SETDB1: variants seen among roughly 807,000 people sequenced by gnomAD.
The protein encoded by SETDB1 is histone-lysine N-methyltransferase SETDB1.
Under a neutral mutation model 137.4 loss-of-function variants are expected in SETDB1, and 31 were observed. That is an observed-to-expected ratio of 0.23 (90% CI 0.17 to 0.30). The LOEUF is 0.30. SETDB1 is among the 10% of genes least tolerant of loss of function. SETDB1 has a pLI of 1.00. For missense variants in SETDB1, 1,113 were observed against 1,631.5 expected (o/e 0.68, Z 5.47); for synonymous variants, 548 against 579.9 (o/e 0.95, Z 0.79).
chr1:150,951,536 GT>G, intron 14 of SETDB1, 55 bp downstream of exon 14: 1 of 931,074 alleles, frequency 1.1e-6, no homozygotes, highest in Non-Finnish European at 1.7e-6. Context: ...GCATGTTCTT[GT>G]TTTTCTGTGC....
chr1:150,964,219 C>T (rs778767117), intron 21 of SETDB1, 28 bp from the exon 22 acceptor site: 13 of 1,597,652 alleles, frequency 8.1e-6, no homozygotes, highest in South Asian at 1.1e-5. Context: ...CTGTCTTTGC[C>T]ACACACCATC....
At chr1:150,962,213 G>A (rs1670844813) in intron 17 of SETDB1, 55 bp downstream of exon 17, 7 of 1,520,692 alleles carry the variant, frequency 4.6e-6, no homozygotes, top group Non-Finnish European at 5.5e-6. Context: ...TTGTCACCCA[G>A]GCTGGAGTGC....
intron 3 of SETDB1, among the ~76,000 whole-genome samples, chr1:150,931,982 AGTT>A (rs587615116): frequency 8.5e-4 from 130 of 152,128 alleles, no homozygotes; most frequent in African/African-American, 2.6e-3. Context: ...GTATTACAGT[AGTT>A]GTTTTTTTAG....
At chr1:150,952,006 G>GGGT (rs1001478519) in intron 14 of SETDB1, among the ~76,000 whole-genome samples, 11 of 152,054 alleles carry the variant, frequency 7.2e-5, no homozygotes, top group African/African-American at 2.7e-4. Flanking sequence ...AAATTAGCCG[G>GGGT]GGGTGGTGGC....
intron 14 of SETDB1, among the ~76,000 whole-genome samples, chr1:150,957,053 G>C (rs1266684231): frequency 6.6e-6 from 1 of 151,870 alleles, no homozygotes; most frequent in African/African-American, 2.4e-5. Context: ...GGAGGTCAAG[G>C]CTGCAGTGAG....
chr1:150,952,581 G>A (rs953699518), intron 14 of SETDB1, among the ~76,000 whole-genome samples: 5 of 152,106 alleles, frequency 3.3e-5, no homozygotes, highest in Admixed American at 3.3e-4. Context: ...TTTTGGCCAT[G>A]TTAAGTTTGA....
chr1:150,949,370 C>G lies in SETDB1; in HGVS notation c.1428C>G (p.Ser476Arg). The change falls in exon 12 of 22, where the codon AGC becomes AGG. Residue 476 changes from serine to arginine, a missense_variant. Physicochemically the swap from Ser to Arg is moderately radical, Grantham distance 110. Transcript: ENST00000692827. ...PLSPQAGDSESLESQLAQSRK... is the reference protein window; with the variant it reads ...PLSPQAGDSERLESQLAQSRK... Reference sequence around the variant, plus strand: ...GCCCTCTTCTCTAATCTCCTAGAAGCTTGGAAAGCCAGCTTGCCCAGTCAC... The same window carrying G: ...GCCCTCTTCTCTAATCTCCTAGAAGGTTGGAAAGCCAGCTTGCCCAGTCAC... 6.2e-7 allele frequency: 1 copy of G among 1,614,152 alleles called. No homozygotes were observed. Among genetic ancestry groups the G allele is most frequent in the South Asian group, 1.1e-5 (1 of 91,080 alleles).
intron 5 of SETDB1, 74 bp from the exon 6 acceptor site, chr1:150,942,489 C>T (rs1279610558): frequency 2.4e-6 from 3 of 1,267,558 alleles, no homozygotes; most frequent in East Asian, 2.4e-5. Context: ...AATTACCATA[C>T]TACCCTCTTT....
At chr1:150,939,840 A>G in intron 3 of SETDB1, 100 bp from the exon 4 acceptor site, 1 of 765,142 alleles carries the variant, frequency 1.3e-6, no homozygotes. Context: ...ATTGTTGATA[A>G]TGCTCCCATA....
chr1:150,954,067 G>C (rs1341423511), intron 14 of SETDB1, among the ~76,000 whole-genome samples: 1 of 151,996 alleles, frequency 6.6e-6, no homozygotes, highest in Non-Finnish European at 1.5e-5. Context: ...TGTTAGCCAG[G>C]ATGGTCTCTA....
chr1:150,930,229 A>G (rs1376681811), intron 3 of SETDB1, 111 bp downstream of exon 3: 27 of 942,782 alleles, frequency 2.9e-5, no homozygotes, highest in East Asian at 7.4e-5. Flanking sequence ...CTAACTCCAT[A>G]TTTCTAACTG....
intron 8 of SETDB1, among the ~76,000 whole-genome samples, chr1:150,944,395 C>T (rs918278024): frequency 8.5e-5 from 13 of 152,186 alleles, no homozygotes; most frequent in African/African-American, 2.9e-4. Context: ...TAGATGGAAC[C>T]TCATAGTGTC....
intron 20 of SETDB1, 120 bp downstream of exon 20, chr1:150,963,861 G>A: frequency 7.7e-7 from 1 of 1,297,560 alleles, no homozygotes; most frequent in South Asian, 1.2e-5. Flanking sequence ...ATCTTAAAGA[G>A]GTAGCTTTCT....
chr1:150,958,240 TTTTTTTC>T (rs1670710528), intron 14 of SETDB1, among the ~76,000 whole-genome samples: 2 of 142,464 alleles, frequency 1.4e-5, no homozygotes, highest in Admixed American at 7.6e-5. Flanking sequence ...TTTTTTTTCT[TTTTTTTC>T]TTTTTTCTTT....
Position 150,927,703 on chromosome 1 carries a change from G to C in SETDB1, c.-11-1G>C, listed in dbSNP as rs1040230496. On this transcript the variant is annotated splice_acceptor_variant, in intron 1 of 21. Transcript: ENST00000692827. LOFTEE classifies it low-confidence loss of function (5UTR_SPLICE). ...TTTAATTTGTTTTCTGTTCCATGCA[G>C]AGGACAAAAGCATGTCTTCCCTTCC... The C allele has an allele frequency of 6.8e-6, 11 of 1,612,792 alleles. No individual in the cohort carries two copies. The highest frequency in any genetic ancestry group is 9.3e-6 in the Non-Finnish European group (11 of 1,179,108).
At chr1:150,952,439 T>C (rs1056856891) in intron 14 of SETDB1, among the ~76,000 whole-genome samples, 3 of 152,158 alleles carry the variant, frequency 2.0e-5, no homozygotes, top group African/African-American at 7.2e-5. Context: ...GGATAGATTA[T>C]GGAGTGGGGG....
chr1:150,939,895 T>C (rs372980687), intron 3 of SETDB1, 45 bp from the exon 4 acceptor site: 3 of 1,477,422 alleles, frequency 2.0e-6, no homozygotes, highest in South Asian at 1.2e-5. Flanking sequence ...CAGAAGTTCC[T>C]CTGTGTAAGT....
intron 3 of SETDB1, among the ~76,000 whole-genome samples, chr1:150,938,342 CAG>C (rs1228212888): frequency 1.3e-5 from 2 of 151,748 alleles, no homozygotes; most frequent in Non-Finnish European, 2.9e-5. Flanking sequence ...TCCATAGAGA[CAG>C]AAAGTAAATT....
At chr1:150,962,229 C>T (rs865968375) in intron 17 of SETDB1, 71 bp downstream of exon 17, 38 of 1,395,312 alleles carry the variant, frequency 2.7e-5, no homozygotes, top group African/African-American at 1.6e-4. Context: ...AGTGCAGTGG[C>T]GTAATCTCAG....
Sources: gnomAD v4.1 joint callset for allele counts (sites outside exome capture counted in the v4.1 genomes callset) on GRCh38, gnomAD v4.1.1 for gene constraint, MANE v1.5 for transcripts, NCBI Gene and HGNC (gene_info 2026-07-23, HGNC 2026-07-21) for gene names.